Variants in TMTC2 observed in about 807,000 individuals in gnomAD.
TMTC2 encodes protein O-mannosyl-transferase TMTC2.
A neutral mutation model predicts 82.4 loss-of-function variants in TMTC2; 43 were observed. The observed-to-expected ratio is 0.52, with a 90% CI of 0.41 to 0.67. TMTC2 has a LOEUF of 0.67. Among genes scored for constraint, TMTC2 ranks in the 30% least tolerant of loss-of-function variants. The pLI is 0.00. For missense variants in TMTC2, 919 were observed against 1,012.4 expected, an observed-to-expected ratio of 0.91 and a Z score of 1.25; for synonymous variants, 408 against 381.9, an observed-to-expected ratio of 1.07 and a Z score of -0.80.
intron 3 of TMTC2, among the ~76,000 whole-genome samples, chr12:82,904,658 G>A (rs1362613195): frequency 6.6e-6 from 1 of 152,182 alleles, no homozygotes; most frequent in East Asian, 1.9e-4. Flanking sequence ...TAATGAGCAA[G>A]CCACATTATA....
chr12:82,760,588 ACC>A (rs1876567034), intron 1 of TMTC2, among the ~76,000 whole-genome samples: 1 of 151,324 alleles, frequency 6.6e-6, no homozygotes. Flanking sequence ...GGGGTCCCTA[ACC>A]CCCAGGTCAT....
At chr12:83,010,263 A>G in intron 8 of TMTC2, among the ~76,000 whole-genome samples, 1 of 152,152 alleles carries the variant, frequency 6.6e-6, no homozygotes, top group East Asian at 1.9e-4. Context: ...AAACATAGAG[A>G]TTGACCCTCC....
intron 1 of TMTC2, among the ~76,000 whole-genome samples, chr12:82,727,800 T>G (rs1874538558): frequency 1.4e-5 from 2 of 148,140 alleles, no homozygotes; most frequent in South Asian, 4.3e-4. Context: ...ATTATATAAC[T>G]CCACTAGAAA....
chr12:82,696,840 C>A (rs1872811873), intron 1 of TMTC2, among the ~76,000 whole-genome samples: 1 of 151,968 alleles, frequency 6.6e-6, no homozygotes, highest in African/African-American at 2.4e-5. Context: ...GGACAATTGA[C>A]TTTTTAAAAG....
intron 1 of TMTC2, among the ~76,000 whole-genome samples, chr12:82,698,918 T>C (rs1328414552): frequency 6.6e-6 from 1 of 152,002 alleles, no homozygotes; most frequent in Non-Finnish European, 1.5e-5. Flanking sequence ...ACATCCAGGG[T>C]GGGATAGGGC....
chr12:82,973,026 C>T (rs780095431), intron 7 of TMTC2, among the ~76,000 whole-genome samples: 5 of 152,108 alleles, frequency 3.3e-5, no homozygotes, highest in African/African-American at 2.4e-5. Context: ...GTGGATTGCT[C>T]AAGGCATTTA....
intron 9 of TMTC2, among the ~76,000 whole-genome samples, chr12:83,038,284 T>C (rs936757381): frequency 1.4e-4 from 22 of 151,968 alleles, no homozygotes; most frequent in South Asian, 4.1e-4. Flanking sequence ...ACTTAAAGTA[T>C]AATAAAAATA....
intron 1 of TMTC2, among the ~76,000 whole-genome samples, chr12:82,854,150 A>G (rs1008423487): frequency 2.0e-5 from 3 of 152,344 alleles, no homozygotes; most frequent in Admixed American, 2.0e-4. Context: ...ATCAAAATCA[A>G]AATGGAAAAT....
intron 2 of TMTC2, among the ~76,000 whole-genome samples, chr12:82,877,259 C>T (rs990345464): frequency 2.0e-5 from 3 of 152,186 alleles, no homozygotes; most frequent in South Asian, 2.1e-4. Flanking sequence ...ATAACTTTCT[C>T]TCTGAAACCG....
chr12:82,916,690 T>C (rs775827160), intron 3 of TMTC2, among the ~76,000 whole-genome samples: 6 of 152,214 alleles, frequency 3.9e-5, no homozygotes, highest in Non-Finnish European at 5.9e-5. Flanking sequence ...ATAGATGTTA[T>C]AGTGACAAAT....
intron 1 of TMTC2, among the ~76,000 whole-genome samples, chr12:82,702,001 A>T (rs1427570165): frequency 6.6e-6 from 1 of 152,146 alleles, no homozygotes; most frequent in Non-Finnish European, 1.5e-5. Flanking sequence ...TTTCTCTTTA[A>T]AGTCAATGTG....
intron 11 of TMTC2, among the ~76,000 whole-genome samples, chr12:83,113,388 C>G (rs1016105975): frequency 6.6e-6 from 1 of 152,108 alleles, no homozygotes; most frequent in African/African-American, 2.4e-5. Flanking sequence ...AAAACTTTAA[C>G]TTAGGAGATG....
In TMTC2 at chr12:82,741,989, A is replaced by C. The variant is rs375834306; in HGVS notation, c.83+54320A>C. Among the ~76,000 whole-genome samples the C allele has an allele frequency of 4.6e-5, 7 of 152,264 alleles. No individual in the cohort carries two copies. In the South Asian group the frequency reaches 1.5e-3, roughly 32 times the overall value. On this transcript the variant is annotated intron_variant, in intron 1 of 11. Coordinates refer to ENST00000321196, the MANE Select transcript of TMTC2 (RefSeq NM_152588.3). ...TGGACACATCTCTTGTTTGCATCCC[A>C]GTGCCCTTCTCCCAGTCATCATGTA...
chr12:83,025,779 G>A (rs1194873635), intron 8 of TMTC2, among the ~76,000 whole-genome samples: 1 of 152,160 alleles, frequency 6.6e-6, no homozygotes, highest in Non-Finnish European at 1.5e-5. Context: ...GTAACTCACA[G>A]AACCCAGGAA....
At chr12:82,747,716 T>C (rs767129047) in intron 1 of TMTC2, among the ~76,000 whole-genome samples, 35 of 152,344 alleles carry the variant, frequency 2.3e-4, no homozygotes, top group Middle Eastern at 3.4e-3. Flanking sequence ...CTTCTAATGA[T>C]GTTGCTATTA....
intron 11 of TMTC2, among the ~76,000 whole-genome samples, chr12:83,122,002 G>T (rs892012987): frequency 6.6e-6 from 1 of 152,018 alleles, no homozygotes; most frequent in South Asian, 2.1e-4. Context: ...CTCCCACCAT[G>T]CCCCCACCAA....
At chr12:82,849,182 A>G (rs1024058246) in intron 1 of TMTC2, among the ~76,000 whole-genome samples, 2 of 152,154 alleles carry the variant, frequency 1.3e-5, no homozygotes, top group African/African-American at 4.8e-5. Context: ...AGCATGCATA[A>G]TGGATCAAAG....
chr12:83,103,625 A>G (rs1592748079), intron 11 of TMTC2, among the ~76,000 whole-genome samples: 1 of 152,286 alleles, frequency 6.6e-6, no homozygotes, highest in East Asian at 1.9e-4. Context: ...CCCACTTCCA[A>G]CATTGGGGAT....
chr12:83,104,342 C>T (rs868413843), intron 11 of TMTC2, among the ~76,000 whole-genome samples: 25 of 152,190 alleles, frequency 1.6e-4, no homozygotes, highest in African/African-American at 4.8e-4. Context: ...CCCCTTGGCA[C>T]GTCTCTAGTA....
Sources: gnomAD v4.1 joint callset for allele counts (sites outside exome capture counted in the v4.1 genomes callset) on GRCh38, gnomAD v4.1.1 for gene constraint, MANE v1.5 for transcripts, NCBI Gene and HGNC (gene_info 2026-07-23, HGNC 2026-07-21) for gene names.